ZNF605: variants seen among roughly 807,000 people sequenced by gnomAD.
ZNF605 encodes the protein zinc finger protein 605.
A neutral mutation model predicts 7.9 loss-of-function variants in ZNF605; 9 were observed. The observed-to-expected ratio is 1.14, with a 90% confidence interval of 0.68 to 1.98. The LOEUF (loss-of-function observed/expected upper bound fraction) is 1.98. Among genes scored for constraint, ZNF605 ranks in the 30% most tolerant of loss-of-function variants. The pLI, the probability that ZNF605 is intolerant of heterozygous loss-of-function variation, is 0.00. For synonymous variants in ZNF605, 255 were observed against 260.1 expected (o/e 0.98, Z 0.19); for missense variants, 673 against 762.4 (o/e 0.88, Z 1.38).
chr12:132,942,894 T>C (rs1952457797), intron 3 of ZNF605, among the ~76,000 whole-genome samples: 1 of 152,180 alleles, frequency 6.6e-6, no homozygotes, highest in Admixed American at 6.5e-5. Context: ...GGCCCGACCA[T>C]CCTGCTTGGA....
At chr12:132,940,210 T>C (rs1369393684) in intron 3 of ZNF605, among the ~76,000 whole-genome samples, 4 of 152,122 alleles carry the variant, frequency 2.6e-5, no homozygotes, top group African/African-American at 9.7e-5. Flanking sequence ...AGAGAACAGA[T>C]AGTGGCGGCC....
In ZNF605 at chr12:132,945,794, T is replaced by A; in HGVS notation, c.-159A>T. 1 of 1,029,306 alleles carries A rather than the reference T, an allele frequency of 9.7e-7. No homozygotes were observed. Among genetic ancestry groups the A allele is most frequent in the Non-Finnish European group, 1.5e-6 (1 of 662,434 alleles). The allele number at this position is 1,029,306 out of a possible 1,614,324, so 63.8% of individuals were successfully genotyped here. A position where few individuals can be genotyped will look rare whatever the true frequency, so the allele number is the denominator to read the frequency against. On this transcript the variant is annotated 5_prime_UTR_variant, in exon 3 of 5. Transcript: ENST00000360187. ...TGAATTGTCTTGTTCCAGAGGGCTA[T>A]TGCCTGTGGATGCAGTGGACATTTT...
chr12:132,929,078 G>A (rs1841317197), intron 4 of ZNF605, among the ~76,000 whole-genome samples: 1 of 151,952 alleles, frequency 6.6e-6, no homozygotes, highest in African/African-American at 2.4e-5. Context: ...TTTCTAGGGG[G>A]GAAAAAGCCT....
chr12:132,933,004 C>T lies in ZNF605; in HGVS notation c.136+31G>A, dbSNP rs755557515. On this transcript the variant is annotated intron_variant, in intron 4 of 4. Transcript: ENST00000360187. The surrounding 1 kb of genome is among the most constrained non-coding windows in gnomAD (Gnocchi z 4.4). ...AACACCTCACAGGCCAGTTACTGGC[C>T]ATACACTAAGTTACATAAGAATGTT... 1.9e-6 allele frequency: 3 copies of T among 1,552,772 alleles called. No individual in the cohort carries two copies. The highest frequency in any genetic ancestry group is 1.2e-5 in the South Asian group (1 of 81,306).
rs1755348059 is a variant in ZNF605, at chr12:132,925,499, T to C, written c.1800A>G (p.Arg600=). 2 of 1,614,034 alleles carry C rather than the reference T, an allele frequency of 1.2e-6. No homozygotes were observed. Among genetic ancestry groups the C allele is most frequent in the Admixed American group, 1.7e-5 (1 of 60,002 alleles). Residue 600 remains arginine (R), a synonymous_variant, in exon 5 of 5, where the codon AGA becomes AGG. Coordinates refer to ENST00000360187, the MANE Select transcript of ZNF605 (RefSeq NM_183238.4). The part of the protein sequence containing the change: ...KCGECGKSFT[R]KSHLMRHQRI... ...TCTGATGCCTCATAAGGTGTGACTT[T>C]CTTGTGAAAGATTTCCCACATTCAC...
chr12:132,942,281 C>T (rs1184309859), intron 3 of ZNF605, among the ~76,000 whole-genome samples: 1 of 152,200 alleles, frequency 6.6e-6, no homozygotes, highest in Non-Finnish European at 1.5e-5. Flanking sequence ...AAACCAAACA[C>T]AAGAGGTCCT....
Position 132,940,241 on chromosome 12 carries a change from C to T in ZNF605, c.15+5380G>A, listed in dbSNP as rs116480213. Among the ~76,000 whole-genome samples the T allele has an allele frequency of 3.7e-3, 558 of 152,260 alleles. 2 individuals are homozygous for T. Among genetic ancestry groups the T allele is most frequent in the Middle Eastern group, 0.017 (5 of 294 alleles). ...CGGCCAGGGATAAGGGATGCACAGC[C>T]ACAGAGGGGCCTCACAGACTTCCTG... On this transcript the variant is annotated intron_variant, in intron 3 of 4. Transcript: ENST00000360187.
rs1193803286 is a variant in ZNF605, at chr12:132,925,627, C to T, written c.1672G>A (p.Glu558Lys). ...LIKHQRNHTG[E>K]KTYGCSDCAK... Reference sequence around the variant, plus strand: ...CAATCGCTGCATCCATAGGTTTTCTCTCCTGTGTGATTTCTTTGATGCTTA... The same window carrying T: ...CAATCGCTGCATCCATAGGTTTTCTTTCCTGTGTGATTTCTTTGATGCTTA... Residue 558 changes from glutamate (E) to lysine (K), a missense_variant, in exon 5 of 5, where the codon GAG becomes AAG. Coordinates refer to ENST00000360187, the MANE Select transcript of ZNF605 (RefSeq NM_183238.4). The T allele has an allele frequency of 6.2e-7, 1 of 1,614,072 alleles. No individual in the cohort carries two copies. The highest frequency in any genetic ancestry group is 8.5e-7 in the Non-Finnish European group (1 of 1,180,040).
chr12:132,926,712 G>C lies in ZNF605; in HGVS notation c.587C>G (p.Pro196Arg). The change falls in exon 5 of 5, where the codon CCC (proline) becomes CGC (arginine). Residue 196 changes from proline (P) to arginine (R), a missense_variant. Pro to Arg is a moderately radical substitution (Grantham distance 103). Transcript: ENST00000360187. The stretch of plus-strand genomic sequence containing the variant: ...TTTTCCACACTCACTGCATTGATAG[G>C]GCTTCTCTCCTGTATGAGTTCTCTG... Reference protein sequence around the residue: ...IHQRTHTGEKPYQCSECGKAF... With the variant: ...IHQRTHTGEKRYQCSECGKAF... 1 of 1,614,090 alleles carries C rather than the reference G, an allele frequency of 6.2e-7. No homozygotes were observed. Among genetic ancestry groups the C allele is most frequent in the Non-Finnish European group, 8.5e-7 (1 of 1,179,996 alleles).
chr12:132,954,074 C>A lies in ZNF605; in HGVS notation c.-286+2169G>T, dbSNP rs377002992. ...CCCCATTCAACGATGTACACTGGAC[C>A]CTTTATTCCTAATCCTCCACAGGCC... On this transcript the variant is annotated intron_variant, in intron 1 of 4. Transcript: ENST00000360187. 2.6e-5 allele frequency among the ~76,000 whole-genome samples: 4 copies of A among 151,840 alleles called. No individual in the cohort carries two copies. The East Asian group carries it at 7.8e-4, about 30-fold the overall frequency.
intron 1 of ZNF605, among the ~76,000 whole-genome samples, chr12:132,954,469 A>AGGAGAAGGGTGGGGAGGGGG (rs1952613730): frequency 9.2e-5 from 2 of 21,658 alleles, no homozygotes; most frequent in South Asian, 1.4e-3. Context: ...TGGGGAGGGG[A>AGGAGAAGGGTGGGGAGGGGG]GGAGAAGGGG....
At chr12:132,951,339 A>C (rs1284312483) in intron 1 of ZNF605, among the ~76,000 whole-genome samples, 1 of 151,704 alleles carries the variant, frequency 6.6e-6, no homozygotes, top group Non-Finnish European at 1.5e-5. Flanking sequence ...TACATCACAC[A>C]CACAGACACG....
At chr12:132,949,570 A>G (rs1238379759) in intron 1 of ZNF605, among the ~76,000 whole-genome samples, 1 of 151,838 alleles carries the variant, frequency 6.6e-6, no homozygotes, top group Non-Finnish European at 1.5e-5. Context: ...GGTCCCCAAC[A>G]GTATCTGCAG....
intron 4 of ZNF605, among the ~76,000 whole-genome samples, chr12:132,932,289 A>G (rs1352762011): frequency 6.6e-6 from 1 of 151,714 alleles, no homozygotes; most frequent in African/African-American, 2.4e-5. Context: ...TTCATCTTCT[A>G]CTCTCTGTGG....
intron 3 of ZNF605, among the ~76,000 whole-genome samples, chr12:132,944,388 G>GA (rs1252860245): frequency 1.3e-5 from 2 of 152,154 alleles, no homozygotes; most frequent in African/African-American, 4.8e-5. Flanking sequence ...GAATTCCTCC[G>GA]AAAGGTGAGG....
In ZNF605 at chr12:132,922,836, A is replaced by C. The variant is rs549641190; in HGVS notation, c.*2537T>G. The C allele has an allele frequency of 3.3e-5, 5 of 152,380 alleles. No individual in the cohort carries two copies. In the East Asian group the frequency reaches 7.7e-4, roughly 23 times the overall value. The allele number at this position is 152,380 out of a possible 1,614,324, so 9.4% of individuals were successfully genotyped here. A position where few individuals can be genotyped will look rare whatever the true frequency, so the allele number is the denominator to read the frequency against. On this transcript the variant is annotated 3_prime_UTR_variant, in exon 5 of 5. Coordinates refer to ENST00000360187, the MANE Select transcript of ZNF605 (RefSeq NM_183238.4). Reference sequence around the variant, plus strand: ...GGGAACACAGAAGCTACCATGGTCCAGGCAGGAGGAAGGGAACGGTAATAA... The same window carrying C: ...GGGAACACAGAAGCTACCATGGTCCCGGCAGGAGGAAGGGAACGGTAATAA...
chr12:132,938,783 T>C (rs1159354827), intron 3 of ZNF605, among the ~76,000 whole-genome samples: 2 of 151,744 alleles, frequency 1.3e-5, no homozygotes, highest in Admixed American at 1.3e-4. Flanking sequence ...CGGGGCTGTG[T>C]GCGGCGCTTG....
intron 3 of ZNF605, among the ~76,000 whole-genome samples, chr12:132,937,082 G>C (rs923605683): frequency 7.3e-4 from 111 of 152,236 alleles, no homozygotes; most frequent in Admixed American, 6.5e-3. Context: ...AAGGTGGCTG[G>C]GCGCGGTGGC....
In ZNF605 at chr12:132,927,003, T is replaced by C; in HGVS notation, c.296A>G (p.Glu99Gly). Residue 99 changes from glutamate to glycine, a missense_variant, in exon 5 of 5, where the codon GAA becomes GGA. Glu to Gly is a moderately conservative substitution (Grantham distance 98, BLOSUM62 -2). Coordinates refer to ENST00000360187, the MANE Select transcript of ZNF605 (RefSeq NM_183238.4). ...GLRSHKCGTGEKSLKCPFDLL... is the reference protein window; with the variant it reads ...GLRSHKCGTGGKSLKCPFDLL... ...ATCAAAAGGACATTTCAAACTTTTT[T>C]CTCCTGTGCCACATTTATGGGATCG... 2 of 1,611,656 alleles carry C rather than the reference T, an allele frequency of 1.2e-6. No homozygotes were observed. Among genetic ancestry groups the C allele is most frequent in the South Asian group, 1.1e-5 (1 of 90,766 alleles).
Sources: gnomAD v4.1 joint callset for allele counts (sites outside exome capture counted in the v4.1 genomes callset) on GRCh38, gnomAD v4.1.1 for gene constraint, Gnocchi (gnomAD v3.1) non-coding constraint, MANE v1.5 for transcripts, NCBI Gene and HGNC (gene_info 2026-07-23, HGNC 2026-07-21) for gene names.